The following TDRD3 variants were observed in gnomAD, a reference collection of about 807,000 sequenced individuals.
TDRD3 encodes tudor domain-containing protein 3.
Under a neutral mutation model 86.7 loss-of-function variants are expected in TDRD3, and 45 were observed. That is an observed-to-expected ratio of 0.52 (90% CI 0.41 to 0.67). The LOEUF is 0.67. Among genes scored for constraint, TDRD3 ranks in the 30% least tolerant of loss-of-function variants. The probability of loss-of-function intolerance (pLI) is 0.00; values close to 1 mark genes in which losing one functional copy is unlikely to be tolerated. For missense variants in TDRD3, 814 were observed against 889.0 expected, an observed-to-expected ratio of 0.92 and a Z score of 1.07; for synonymous variants, 298 against 301.7, an observed-to-expected ratio of 0.99 and a Z score of 0.13.
At chr13:60,457,453 G>T (rs766571429) in intron 3 of TDRD3, among the ~76,000 whole-genome samples, 1 of 152,202 alleles carries the variant, frequency 6.6e-6, no homozygotes, top group Non-Finnish European at 1.5e-5. Context: ...ACACTCACTC[G>T]TAGAAGTGCC....
At chr13:60,489,411 T>G (rs897969419) in intron 7 of TDRD3, among the ~76,000 whole-genome samples, 1 of 152,236 alleles carries the variant, frequency 6.6e-6, no homozygotes, top group Non-Finnish European at 1.5e-5. Context: ...GTAGTGTTCT[T>G]GAATTTTGGT....
At chr13:60,451,698 T>TGCAAA (rs1435959719) in intron 3 of TDRD3, among the ~76,000 whole-genome samples, 2 of 152,192 alleles carry the variant, frequency 1.3e-5, no homozygotes, top group African/African-American at 4.8e-5. Flanking sequence ...CAAATTATCT[T>TGCAAA]GCAAAGCACT....
chr13:60,551,187 TG>T (rs1458413377), intron 12 of TDRD3, among the ~76,000 whole-genome samples: 1 of 152,212 alleles, frequency 6.6e-6, no homozygotes, highest in African/African-American at 2.4e-5. Context: ...CACTGGGATA[TG>T]TGGAAAGAGC....
At chr13:60,531,010 A>G (rs1262949195) in intron 11 of TDRD3, among the ~76,000 whole-genome samples, 5 of 152,210 alleles carry the variant, frequency 3.3e-5, no homozygotes, top group African/African-American at 1.2e-4. Context: ...GGAGGAGTAC[A>G]GAGTGAAACA....
chr13:60,405,221 G>A lies in TDRD3; in HGVS notation c.41+7816G>A, dbSNP rs933194569. On this transcript the variant is annotated intron_variant, in intron 1 of 13. Coordinates refer to ENST00000377881, the MANE Select transcript of TDRD3 (RefSeq NM_001146070.2). ...TGACCTCAAGTGATCTACCTGTCCC[G>A]GCCTCCCAGAGTCCTGGGATTACAG... 3.3e-5 allele frequency among the ~76,000 whole-genome samples: 5 copies of A among 152,222 alleles called. No individual in the cohort carries two copies. The South Asian group carries it at 8.3e-4, about 25-fold the overall frequency.
At chr13:60,399,500 G>A (rs1263373936) in intron 1 of TDRD3, among the ~76,000 whole-genome samples, 1 of 152,150 alleles carries the variant, frequency 6.6e-6, no homozygotes, top group Non-Finnish European at 1.5e-5. Context: ...TAGGCTTTCA[G>A]GTGGCTTCTA....
rs371373181 is a variant in TDRD3 at position 60,567,542 on chromosome 13, C to T, written c.2136C>T (p.Tyr712=). 8.1e-6 allele frequency: 13 copies of T among 1,614,098 alleles called. No individual in the cohort carries two copies. Among genetic ancestry groups the T allele is most frequent in the Admixed American group, 1.7e-5 (1 of 60,014 alleles). Residue 712 remains tyrosine, a synonymous_variant, in exon 13 of 14, where the codon TAC becomes TAT. Coordinates refer to ENST00000377881, the MANE Select transcript of TDRD3 (RefSeq NM_001146070.2). ...GCAAATAGGAGGAAGAAGGCACCTA[C>T]GATCAAACTCTGGAGTTCCGTAGGG... ...QTEAWEEEGT[Y]DQTLEFRRGG...
At chr13:60,451,608 T>C (rs746372583) in intron 3 of TDRD3, among the ~76,000 whole-genome samples, 12 of 152,172 alleles carry the variant, frequency 7.9e-5, no homozygotes, top group African/African-American at 2.9e-4. Context: ...CATATAACAG[T>C]TTCCCTAAGG....
At chr13:60,402,056 C>T (rs1954116593) in intron 1 of TDRD3, among the ~76,000 whole-genome samples, 1 of 152,236 alleles carries the variant, frequency 6.6e-6, no homozygotes, top group African/African-American at 2.4e-5. Flanking sequence ...TGTGGAACAA[C>T]TTCAGGATAT....
At chr13:60,541,820 T>C (rs1957822153) in intron 12 of TDRD3, among the ~76,000 whole-genome samples, 1 of 137,818 alleles carries the variant, frequency 7.3e-6, no homozygotes, top group African/African-American at 2.7e-5. Flanking sequence ...CTCCGCCTCC[T>C]GGGTTCAAGC....
At chr13:60,416,853 C>G (rs76389854) in intron 1 of TDRD3, among the ~76,000 whole-genome samples, 6,769 of 152,206 alleles carry the variant, frequency 0.044, 205 homozygotes, top group Non-Finnish European at 0.064. Flanking sequence ...TTCTCCTCAT[C>G]TTGTTCTTGT....
chr13:60,402,126 A>G (rs973124813), intron 1 of TDRD3, among the ~76,000 whole-genome samples: 2 of 152,216 alleles, frequency 1.3e-5, no homozygotes, highest in African/African-American at 2.4e-5. Context: ...GCTTCTTTTC[A>G]CATTCCATTA....
At chr13:60,567,404 C>T (rs1321334525) in intron 12 of TDRD3, 121 bp from the exon 13 acceptor site, 2 of 1,259,914 alleles carry the variant, frequency 1.6e-6, no homozygotes, top group Non-Finnish European at 2.2e-6. Context: ...TAAAAGTTGA[C>T]ATGTGTGAAT....
Position 60,439,648 on chromosome 13 carries a change from G to T in TDRD3, c.42-40G>T. On this transcript the variant is annotated intron_variant, in intron 1 of 13. Coordinates refer to ENST00000377881, the MANE Select transcript of TDRD3 (RefSeq NM_001146070.2). The stretch of plus-strand genomic sequence containing the variant: ...AGACTTAAGAATTTTGGTTAATTTT[G>T]ATTTTAGATAATATTAAGCCATTTA... 2.7e-6 allele frequency: 4 copies of T among 1,468,174 alleles called. No individual in the cohort carries two copies. In the South Asian group the frequency reaches 5.3e-5, roughly 19 times the overall value. The allele number at this position is 1,468,174 out of a possible 1,614,324, so 90.9% of individuals were successfully genotyped here.
At chr13:60,472,160 C>T (rs1368439408) in intron 5 of TDRD3, among the ~76,000 whole-genome samples, 7 of 152,068 alleles carry the variant, frequency 4.6e-5, no homozygotes, top group African/African-American at 7.2e-5. Flanking sequence ...TCTGTTAATG[C>T]GTTACATTGA....
intron 12 of TDRD3, among the ~76,000 whole-genome samples, chr13:60,550,916 C>T (rs1595106190): frequency 6.6e-6 from 1 of 152,104 alleles, no homozygotes; most frequent in East Asian, 1.9e-4. Context: ...TACATTAATT[C>T]ATTTAAGTAT....
intron 1 of TDRD3, among the ~76,000 whole-genome samples, chr13:60,405,292 A>G (rs920553678): frequency 1.3e-5 from 2 of 152,128 alleles, no homozygotes; most frequent in African/African-American, 4.8e-5. Context: ...CTTAAACAGC[A>G]TATTGTGGCA....
chr13:60,475,851 A>G (rs1956174509), intron 5 of TDRD3, among the ~76,000 whole-genome samples: 1 of 152,082 alleles, frequency 6.6e-6, no homozygotes. Flanking sequence ...CTTTTGAGAA[A>G]TGTTCGTTCA....
intron 12 of TDRD3, among the ~76,000 whole-genome samples, chr13:60,561,871 TG>T (rs765762092): frequency 9.3e-5 from 14 of 150,152 alleles, no homozygotes; most frequent in Non-Finnish European, 1.9e-4. Context: ...TTTTTGTTGT[TG>T]TTGTTGTTGT....
Sources: gnomAD v4.1 joint callset for allele counts (sites outside exome capture counted in the v4.1 genomes callset) on GRCh38, gnomAD v4.1.1 for gene constraint, MANE v1.5 for transcripts, NCBI Gene and HGNC (gene_info 2026-07-23, HGNC 2026-07-21) for gene names.